Variants in EPHA3 observed in about 807,000 individuals in gnomAD.
EPHA3 encodes the protein ephrin type-A receptor 3.
A neutral mutation model predicts 107.1 loss-of-function variants in EPHA3; 42 were observed. The observed-to-expected ratio is 0.39, with a 90% CI of 0.31 to 0.51. The LOEUF (loss-of-function observed/expected upper bound fraction) is 0.51, where lower values mean the gene tolerates loss of function less well. Ranked by LOEUF, EPHA3 falls within the 20% of genes least tolerant of loss-of-function variation. The probability of loss-of-function intolerance (pLI) is 0.78; values close to 1 mark genes in which losing one functional copy is unlikely to be tolerated. For synonymous variants in EPHA3, 461 were observed against 424.8 expected, an observed-to-expected ratio of 1.09 and a Z score of -1.05; for missense variants, 1,183 against 1,211.2, an observed-to-expected ratio of 0.98 and a Z score of 0.35.
chr3:89,194,641 A>G lies in EPHA3; in HGVS notation c.154-15219A>G, dbSNP rs552804426. On this transcript the variant is annotated intron_variant, in intron 2 of 16. Transcript: ENST00000336596. ...TTCTCTGCTATGCTTTATGAAGTAAATGACGTTTTGTGAAAACCTCTGCTA... is the reference window on the plus strand; with the variant it reads ...TTCTCTGCTATGCTTTATGAAGTAAGTGACGTTTTGTGAAAACCTCTGCTA... 2.5e-4 allele frequency among the ~76,000 whole-genome samples: 38 copies of G among 152,226 alleles called. 1 individual carries two copies. Among genetic ancestry groups the G allele is most frequent in the African/African-American group, 7.2e-4 (30 of 41,566 alleles).
intron 5 of EPHA3, among the ~76,000 whole-genome samples, chr3:89,386,966 T>G (rs1423942710): frequency 6.6e-6 from 1 of 151,850 alleles, no homozygotes; most frequent in Non-Finnish European, 1.5e-5. Context: ...ATTTAGCCAA[T>G]GGCCGTACCC....
intron 7 of EPHA3, among the ~76,000 whole-genome samples, chr3:89,402,255 C>A (rs2107511954): frequency 6.6e-6 from 1 of 152,262 alleles, no homozygotes; most frequent in Admixed American, 6.5e-5. Context: ...TCGAAAACTG[C>A]AGGGCCTTAG....
intron 3 of EPHA3, among the ~76,000 whole-genome samples, chr3:89,324,250 C>T (rs1333176845): frequency 3.3e-5 from 5 of 151,240 alleles, no homozygotes; most frequent in Non-Finnish European, 5.9e-5. Flanking sequence ...TCACCGCAAC[C>T]TCCACTTCCC....
chr3:89,144,605 C>A (rs1321514459), intron 2 of EPHA3, among the ~76,000 whole-genome samples: 1 of 151,700 alleles, frequency 6.6e-6, no homozygotes, highest in Non-Finnish European at 1.5e-5. Context: ...TTCATATTAT[C>A]ACTTGTAAGA....
intron 13 of EPHA3, among the ~76,000 whole-genome samples, chr3:89,438,143 C>G (rs1401721579): frequency 6.6e-6 from 1 of 151,964 alleles, no homozygotes; most frequent in East Asian, 1.9e-4. Context: ...GAGTCTCACT[C>G]TGTCGCCCAG....
intron 15 of EPHA3, among the ~76,000 whole-genome samples, chr3:89,454,357 C>G (rs1477234907): frequency 6.6e-6 from 1 of 152,120 alleles, no homozygotes; most frequent in Non-Finnish European, 1.5e-5. Context: ...TAATTAATTG[C>G]ATACACCAGC....
intron 1 of EPHA3, among the ~76,000 whole-genome samples, chr3:89,121,967 A>C (rs1008408521): frequency 4.6e-5 from 7 of 152,220 alleles, no homozygotes; most frequent in Admixed American, 4.6e-4. Context: ...CTGAATTCCT[A>C]TCAGAAAATA....
At chr3:89,310,630 A>G (rs1285321622) in intron 3 of EPHA3, among the ~76,000 whole-genome samples, 2 of 151,894 alleles carry the variant, frequency 1.3e-5, no homozygotes, top group African/African-American at 4.8e-5. Context: ...CAGAATATAG[A>G]TATTATATAT....
chr3:89,209,537 A>G (rs1361618263), intron 2 of EPHA3, among the ~76,000 whole-genome samples: 1 of 152,164 alleles, frequency 6.6e-6, no homozygotes, highest in Non-Finnish European at 1.5e-5. Context: ...CCAAAAACAT[A>G]TGAGAAAATA....
chr3:89,192,134 T>G (rs983848695), intron 2 of EPHA3, among the ~76,000 whole-genome samples: 4 of 152,126 alleles, frequency 2.6e-5, no homozygotes, highest in African/African-American at 4.8e-5. Flanking sequence ...TATCAATAAC[T>G]TAGAAAAGTG....
intron 5 of EPHA3, among the ~76,000 whole-genome samples, chr3:89,344,771 G>A (rs1241923266): frequency 9.2e-5 from 14 of 152,148 alleles, no homozygotes; most frequent in Admixed American, 9.2e-4. Context: ...TTGTGAGATC[G>A]AGTTTGTTGA....
At chr3:89,143,466 A>C (rs1317685329) in intron 2 of EPHA3, among the ~76,000 whole-genome samples, 1 of 151,556 alleles carries the variant, frequency 6.6e-6, no homozygotes, top group Non-Finnish European at 1.5e-5. Context: ...CAAGTATACT[A>C]GTGTGTTTTG....
At chr3:89,412,461 A>G (rs1709173119) in intron 9 of EPHA3, among the ~76,000 whole-genome samples, 1 of 151,586 alleles carries the variant, frequency 6.6e-6, no homozygotes, top group Non-Finnish European at 1.5e-5. Context: ...TTATAAAGCT[A>G]TACAATATGA....
intron 5 of EPHA3, among the ~76,000 whole-genome samples, chr3:89,364,088 C>A (rs1708145721): frequency 6.6e-6 from 1 of 150,728 alleles, no homozygotes; most frequent in Non-Finnish European, 1.5e-5. Context: ...TCTTATGTGC[C>A]TTCTGTGCAT....
At chr3:89,428,708 A>T (rs938426998) in intron 11 of EPHA3, among the ~76,000 whole-genome samples, 1 of 152,154 alleles carries the variant, frequency 6.6e-6, no homozygotes, top group Admixed American at 6.6e-5. Context: ...GTGCACATAT[A>T]GCACATATAA....
At chr3:89,202,016 A>G (rs934150775) in intron 2 of EPHA3, among the ~76,000 whole-genome samples, 5 of 152,002 alleles carry the variant, frequency 3.3e-5, no homozygotes, top group Non-Finnish European at 7.4e-5. Context: ...TGTCCTCCTT[A>G]ATTTTCACTT....
At chr3:89,175,418 T>C (rs1342812532) in intron 2 of EPHA3, among the ~76,000 whole-genome samples, 2 of 152,156 alleles carry the variant, frequency 1.3e-5, no homozygotes, top group Non-Finnish European at 2.9e-5. Flanking sequence ...TCATTTAAAT[T>C]TGTGGCTTAC....
At position 89,450,329 on chromosome 3, in the gene EPHA3, G is replaced by A. The variant is rs145084709; in HGVS notation, c.2649G>A (p.Arg883=). The A allele has an allele frequency of 2.3e-4, 369 of 1,613,584 alleles. No homozygotes were observed. In the African/African-American group the frequency reaches 4.5e-3, roughly 20 times the overall value. The change falls in exon 15 of 17, where the codon CGG becomes CGA. Residue 883 remains arginine (R), a synonymous_variant. Coordinates refer to ENST00000336596, the MANE Select transcript of EPHA3 (RefSeq NM_005233.6). ...TTAGTATTCTGGACAAGCTTATCCG[G>A]AATCCCGGCAGCCTGAAGATCATCA... The part of the protein sequence containing the change: ...QIVSILDKLI[R]NPGSLKIITS...
chr3:89,174,332 T>G (rs1252817627), intron 2 of EPHA3, among the ~76,000 whole-genome samples: 1 of 151,988 alleles, frequency 6.6e-6, no homozygotes, highest in African/African-American at 2.4e-5. Context: ...CATCCACGAG[T>G]AATCTGAATA....
Sources: allele counts gnomAD v4.1 joint callset (sites outside exome capture counted in the v4.1 genomes callset), GRCh38; gene constraint gnomAD v4.1.1; transcripts MANE v1.5; gene names NCBI Gene and HGNC (gene_info 2026-07-23, HGNC 2026-07-21).